The following NOS2 variants were observed in gnomAD, a reference collection of about 807,000 sequenced individuals.
The protein encoded by NOS2 is nitric oxide synthase 2, also known as nitric oxide synthase, inducible.
NOS2 carries 96 observed loss-of-function variants against 136.0 expected under a neutral mutation model. That is an observed-to-expected ratio of 0.71 (90% CI 0.60 to 0.84). The LOEUF (loss-of-function observed/expected upper bound fraction) is 0.84, where lower values mean the gene tolerates loss of function less well. Among genes scored for constraint, NOS2 ranks in the 40% least tolerant of loss-of-function variants. NOS2 has a pLI of 0.00. For missense variants in NOS2, 1,237 were observed against 1,496.9 expected (o/e 0.83, Z 2.87); for synonymous variants, 539 against 587.5 (o/e 0.92, Z 1.20).
intron 14 of NOS2, among the ~76,000 whole-genome samples, chr17:27,771,495 G>A (rs1442403713): frequency 2.6e-5 from 4 of 152,236 alleles, no homozygotes; most frequent in Admixed American, 2.0e-4. Context: ...ACTCCTGGGA[G>A]CCAGCAGGTG....
chr17:27,772,278 A>G, intron 14 of NOS2, 30 bp downstream of exon 14: 1 of 1,613,234 alleles, frequency 6.2e-7, no homozygotes, highest in Non-Finnish European at 8.5e-7. Context: ...ACAAGCAGAA[A>G]AAACAACAGC....
chr17:27,769,147 C>T lies in NOS2; in HGVS notation c.1864G>A (p.Ala622Thr), dbSNP rs748601061. ...ATGCTGGAGCCGAGGCCAAACACAG[C>T]GTACCTGCCCGAGGACACACACAGA... The part of the protein sequence containing the change: ...LKELNNKFRY[A>T]VFGLGSSMYP... Residue 622 changes from alanine to threonine, a missense_variant, in exon 17 of 27, where the codon GCT (alanine) becomes ACT (threonine). Physicochemically the swap from Ala to Thr is moderately conservative, Grantham distance 58. Coordinates refer to ENST00000313735, the MANE Select transcript of NOS2 (RefSeq NM_000625.4). The T allele has an allele frequency of 3.2e-5, 51 of 1,607,126 alleles. No individual in the cohort carries two copies. The highest frequency in any genetic ancestry group is 1.7e-4 in the Middle Eastern group (1 of 6,046).
At chr17:27,776,421 C>T (rs990770397) in intron 11 of NOS2, among the ~76,000 whole-genome samples, 10 of 152,010 alleles carry the variant, frequency 6.6e-5, no homozygotes, top group Non-Finnish European at 1.3e-4. Flanking sequence ...ACCTGTAATC[C>T]CAGCACTTTG....
chr17:27,759,121 C>G, intron 25 of NOS2, 46 bp from the exon 26 acceptor site: 8 of 1,414,988 alleles, frequency 5.7e-6, no homozygotes, highest in Non-Finnish European at 7.5e-6. Context: ...CTGCTCAGGA[C>G]AAGGCTTGCA....
At position 27,757,359 on chromosome 17, in the gene NOS2, A is replaced by T. The variant is rs542980975; in HGVS notation, c.3355-6T>A. 2 of 1,613,478 alleles carry T rather than the reference A, an allele frequency of 1.2e-6. No homozygotes were observed. Among genetic ancestry groups the T allele is most frequent in the African/African-American group, 2.7e-5 (2 of 75,020 alleles). On this transcript the variant is annotated splice_region_variant and splice_polypyrimidine_tract_variant and intron_variant, in intron 26 of 26. Coordinates refer to ENST00000313735, the MANE Select transcript of NOS2 (RefSeq NM_000625.4). ...TCGTGATAGCGCTTCTGGCTCTTTT[A>T]GGTAAAAACAGAGAGCAACGTGTCA...
At chr17:27,780,691 G>C (rs1030126208) in intron 9 of NOS2, 76 bp downstream of exon 9, 60 of 1,596,470 alleles carry the variant, frequency 3.8e-5, no homozygotes, top group Middle Eastern at 1.7e-4. Flanking sequence ...TATGGGGAAG[G>C]CTGGAGCCGC....
chr17:27,771,819 G>A (rs1479335031), intron 14 of NOS2, among the ~76,000 whole-genome samples: 4 of 152,242 alleles, frequency 2.6e-5, no homozygotes, highest in Non-Finnish European at 4.4e-5. Flanking sequence ...CTGGCTCTGC[G>A]CCACCCACTG....
At chr17:27,768,123 C>T (rs1177251881) in intron 17 of NOS2, among the ~76,000 whole-genome samples, 3 of 152,066 alleles carry the variant, frequency 2.0e-5, no homozygotes, top group African/African-American at 7.2e-5. Flanking sequence ...CATCATAGCT[C>T]ACTGAAGCCC....
Position 27,778,689 on chromosome 17 carries a change from C to T in NOS2, c.1281+1G>A, listed in dbSNP as rs1421968308. On this transcript the variant is annotated splice_donor_variant, in intron 11 of 26. Transcript: ENST00000313735. LOFTEE classifies it high-confidence loss of function. ...TCAGACTCACAAAACTCCAGACATA[C>T]CTGGAAACTATGGAGCACAGCAATG... is the stretch of plus-strand genomic sequence containing the variant. 2 of 1,612,074 alleles carry T rather than the reference C, an allele frequency of 1.2e-6. No homozygotes were observed. Among genetic ancestry groups the T allele is most frequent in the African/African-American group, 1.3e-5 (1 of 74,874 alleles).
chr17:27,775,551 G>A (rs1414846786), intron 11 of NOS2, among the ~76,000 whole-genome samples: 4 of 152,196 alleles, frequency 2.6e-5, no homozygotes, highest in Admixed American at 1.3e-4. Flanking sequence ...GCAGTGAGCC[G>A]AGATCGCACC....
intron 11 of NOS2, among the ~76,000 whole-genome samples, chr17:27,776,257 A>C (rs1478377264): frequency 6.6e-6 from 1 of 152,180 alleles, no homozygotes; most frequent in Non-Finnish European, 1.5e-5. Flanking sequence ...AATTCAATAG[A>C]CATACATAAG....
intron 2 of NOS2, chr17:27,793,801 C>G: frequency 2.7e-6 from 1 of 375,242 alleles, no homozygotes; most frequent in East Asian, 3.9e-5. Flanking sequence ...GCGAGCCGAG[C>G]AGCGGCGGGG....
In NOS2 at chr17:27,774,190, A is replaced by ACG. The variant is rs562257135; in HGVS notation, c.1476+66_1476+67insCG. ...CCCTACATGTGTAACAATGAGGTGCACACACACACACACACATACAGCCAC... is the reference window on the plus strand; with the variant it reads ...CCCTACATGTGTAACAATGAGGTGCACGCACACACACACACACATACAGCCAC... On this transcript the variant is annotated intron_variant, in intron 12 of 26. Transcript: ENST00000313735. The ACG allele has an allele frequency of 2.3e-4, 148 of 646,116 alleles. No individual in the cohort carries two copies. The South Asian group carries it at 6.0e-3, about 26-fold the overall frequency. 40.0% of individuals were successfully genotyped at this position (646,116 alleles called of 1,614,324 possible).
chr17:27,793,307 C>T (rs1909250838), intron 2 of NOS2, among the ~76,000 whole-genome samples: 1 of 152,170 alleles, frequency 6.6e-6, no homozygotes, highest in Admixed American at 6.5e-5. Flanking sequence ...AACCCCAGTG[C>T]TGAAAAATTT....
At chr17:27,761,414 C>G (rs1047663548) in intron 22 of NOS2, among the ~76,000 whole-genome samples, 183 bp from the exon 23 acceptor site, 1 of 152,082 alleles carries the variant, frequency 6.6e-6, no homozygotes, top group South Asian at 2.1e-4. Flanking sequence ...AGCTGAGGAA[C>G]GTTGAAAGGG....
chr17:27,782,411 A>C (rs1176853301), intron 6 of NOS2, among the ~76,000 whole-genome samples: 1 of 152,146 alleles, frequency 6.6e-6, no homozygotes, highest in Non-Finnish European at 1.5e-5. Context: ...AAGCACCATG[A>C]ATCGGGATTG....
chr17:27,773,350 G>A (rs553485847), intron 12 of NOS2, 107 bp from the exon 13 acceptor site: 8 of 771,194 alleles, frequency 1.0e-5, no homozygotes, highest in Middle Eastern at 3.3e-4. Context: ...GAGCCTGGGA[G>A]AGAAGGCTGG....
chr17:27,770,632 T>C (rs11657646), intron 15 of NOS2, among the ~76,000 whole-genome samples: 11,411 of 152,316 alleles, frequency 0.075, 879 homozygotes, highest in African/African-American at 0.19. Flanking sequence ...GTTTTGCTGC[T>C]TTCCATTTGT....
At chr17:27,785,674 T>C (rs1462712502) in intron 5 of NOS2, among the ~76,000 whole-genome samples, 1 of 151,612 alleles carries the variant, frequency 6.6e-6, no homozygotes. Context: ...AAACTGGAGG[T>C]GGGCCAGGTG....
Sources: allele counts gnomAD v4.1 joint callset (sites outside exome capture counted in the v4.1 genomes callset), GRCh38; gene constraint gnomAD v4.1.1; transcripts MANE v1.5; gene names NCBI Gene and HGNC (gene_info 2026-07-23, HGNC 2026-07-21).